The following NSD1 variants were observed in gnomAD, a reference collection of about 807,000 sequenced individuals.
NSD1 encodes the protein histone-lysine N-methyltransferase, H3 lysine-36 specific.
NSD1 carries 26 observed loss-of-function variants against 242.7 expected under a neutral mutation model. That is an observed-to-expected ratio of 0.11 (90% confidence interval 0.08 to 0.15). The LOEUF (loss-of-function observed/expected upper bound fraction) is 0.15. NSD1 is among the 10% of genes least tolerant of loss of function. The pLI is 1.00. For synonymous variants in NSD1, 1,106 were observed against 1,178.1 expected, an observed-to-expected ratio of 0.94 and a Z score of 1.25; for missense variants, 2,495 against 3,272.8, an observed-to-expected ratio of 0.76 and a Z score of 5.80.
intron 2 of NSD1, among the ~76,000 whole-genome samples, chr5:177,160,828 T>C (rs1758688149): frequency 6.6e-6 from 1 of 151,918 alleles, no homozygotes; most frequent in South Asian, 2.1e-4. Flanking sequence ...AGGAGCATGA[T>C]CTAGGATTAT....
intron 2 of NSD1, among the ~76,000 whole-genome samples, chr5:177,154,365 C>T (rs116610617): frequency 0.018 from 2,775 of 152,160 alleles, 33 homozygotes; most frequent in Non-Finnish European, 0.028. Context: ...CTACCATATC[C>T]AACCAAATAA....
chr5:177,175,092 C>T (rs911492125), intron 2 of NSD1, among the ~76,000 whole-genome samples: 2 of 151,166 alleles, frequency 1.3e-5, no homozygotes, highest in African/African-American at 2.4e-5. Context: ...AAGATGGTCT[C>T]GATCTCCTGA....
At position 177,210,019 on chromosome 5, in the gene NSD1, G is replaced by A. The variant is rs1181223763; in HGVS notation, c.1620G>A (p.Gly540=). 1 of 1,614,084 alleles carries A rather than the reference G, an allele frequency of 6.2e-7. No individual in the cohort carries two copies. Among genetic ancestry groups the A allele is most frequent in the Non-Finnish European group, 8.5e-7 (1 of 1,180,036 alleles). The part of the protein sequence containing the change: ...PENLGLNFIS[G]DISDTQASNE... ...ACCTTGGCCTAAACTTTATCTCTGG[G>A]GATATATCTGATACGCAGGCCTCTA... Residue 540 remains glycine, a synonymous_variant, in exon 5 of 23, where the codon GGG becomes GGA. Coordinates refer to ENST00000439151, the MANE Select transcript of NSD1 (RefSeq NM_022455.5).
intron 2 of NSD1, among the ~76,000 whole-genome samples, chr5:177,157,319 T>C (rs1024285690): frequency 6.6e-6 from 1 of 151,814 alleles, no homozygotes; most frequent in African/African-American, 2.4e-5. Context: ...TGAGCGGAGA[T>C]CGTGCTGTTG....
At position 177,297,002 on chromosome 5, in the gene NSD1, T is replaced by C; in HGVS notation, c.*1543T>C. ...AATAGGATTCTGTATTTGGTCCCAA[T>C]TTCCTCAAGTTCTTATTGAGGTTAC... On this transcript the variant is annotated 3_prime_UTR_variant, in exon 23 of 23. Coordinates refer to ENST00000439151, the MANE Select transcript of NSD1 (RefSeq NM_022455.5). The C allele has an allele frequency of 4.3e-6, 1 of 233,334 alleles. No individual in the cohort carries two copies. The highest frequency in any genetic ancestry group is 8.5e-6 in the Non-Finnish European group (1 of 118,066). The allele number at this position is 233,334 out of a possible 1,614,324, so 14.5% of individuals were successfully genotyped here.
chr5:177,212,461 T>TTC (rs753799201), intron 5 of NSD1, among the ~76,000 whole-genome samples: 12 of 145,818 alleles, frequency 8.2e-5, no homozygotes, highest in African/African-American at 2.6e-4. Flanking sequence ...CTTTCTCACT[T>TTC]TCTCTCTCTC....
chr5:177,300,072 C>T lies in NSD1; in HGVS notation c.*4613C>T. ...TTTTTGCCGCGCCCCCCCCCCCCCG[C>T]CCCCATAGATTGTCAGCTGTAAGTG... On this transcript the variant is annotated 3_prime_UTR_variant, in exon 23 of 23. Coordinates refer to ENST00000439151, the MANE Select transcript of NSD1 (RefSeq NM_022455.5). 5.2e-6 allele frequency: 1 copy of T among 190,946 alleles called. No individual in the cohort carries two copies. Among genetic ancestry groups the T allele is most frequent in the South Asian group, 2.5e-4 (1 of 4,044 alleles). 11.8% of individuals were successfully genotyped at this position (190,946 alleles called of 1,614,324 possible).
chr5:177,154,730 C>T (rs1757982488), intron 2 of NSD1, among the ~76,000 whole-genome samples: 1 of 152,166 alleles, frequency 6.6e-6, no homozygotes, highest in African/African-American at 2.4e-5. Context: ...GAGTCTCCCT[C>T]TGTCGCCCCA....
At position 177,191,018 on chromosome 5, in the gene NSD1, T is replaced by C. The variant is rs192484777; in HGVS notation, c.928-866T>C. ...TGAAGAGTCTCTCTGTCGCCGAGGC[T>C]AAAGTACGGTGGCTCTTGGCTCGCT... On this transcript the variant is annotated intron_variant, in intron 2 of 22. Coordinates refer to ENST00000439151, the MANE Select transcript of NSD1 (RefSeq NM_022455.5). Among the ~76,000 whole-genome samples, 442 of 131,080 alleles carry C rather than the reference T, an allele frequency of 3.4e-3. 1 individual carries two copies. The highest frequency in any genetic ancestry group is 5.9e-3 in the Non-Finnish European group (376 of 63,798). The allele number at this position is 131,080 out of a possible 152,430, so 86.0% of individuals were successfully genotyped here. A position where few individuals can be genotyped will look rare whatever the true frequency, so the allele number is the denominator to read the frequency against.
At chr5:177,235,764 A>AAAC (rs1765393775) in intron 5 of NSD1, 57 bp from the exon 6 acceptor site, 4 of 1,612,498 alleles carry the variant, frequency 2.5e-6, no homozygotes, top group Non-Finnish European at 3.4e-6. Context: ...TCTCATAAAA[A>AAAC]CAGTGGGTTT....
intron 3 of NSD1, among the ~76,000 whole-genome samples, chr5:177,196,962 T>A (rs1762145001): frequency 1.3e-5 from 2 of 152,186 alleles, no homozygotes; most frequent in South Asian, 4.1e-4. Context: ...TATTATAAAG[T>A]ATCATTTATA....
chr5:177,152,561 C>G (rs1757815498), intron 2 of NSD1, among the ~76,000 whole-genome samples: 1 of 147,188 alleles, frequency 6.8e-6, no homozygotes, highest in African/African-American at 2.5e-5. Context: ...TCACGCCATT[C>G]TCCTGCCTCA....
intron 5 of NSD1, among the ~76,000 whole-genome samples, chr5:177,229,264 A>G (rs1330137332): frequency 1.3e-5 from 2 of 152,146 alleles, no homozygotes; most frequent in Non-Finnish European, 1.5e-5. Flanking sequence ...GGCTATTGCT[A>G]TACTCATCCA....
intron 8 of NSD1, among the ~76,000 whole-genome samples, chr5:177,241,760 C>A (rs1765890281): frequency 1.3e-5 from 2 of 152,068 alleles, no homozygotes; most frequent in African/African-American, 4.8e-5. Context: ...TCTGACCTGG[C>A]CTACTTCATT....
At chr5:177,278,768 A>T (rs1017246046) in intron 17 of NSD1, among the ~76,000 whole-genome samples, 36 of 152,346 alleles carry the variant, frequency 2.4e-4, no homozygotes, top group African/African-American at 8.7e-4. Flanking sequence ...TGAACAGTCA[A>T]AATTTTTTGT....
chr5:177,147,263 G>C (rs1757329582), intron 2 of NSD1, among the ~76,000 whole-genome samples: 1 of 151,896 alleles, frequency 6.6e-6, no homozygotes, highest in Admixed American at 6.6e-5. Context: ...TTGCCACCAT[G>C]CCCCACTAAT....
chr5:177,276,810 A>C (rs542176680), intron 17 of NSD1, among the ~76,000 whole-genome samples: 1 of 152,290 alleles, frequency 6.6e-6, no homozygotes, highest in South Asian at 2.1e-4. Flanking sequence ...ATCCATACCA[A>C]GATTAGATTA....
intron 1 of NSD1, 85 bp from the exon 2 acceptor site, chr5:177,135,002 C>A: frequency 2.5e-6 from 3 of 1,192,608 alleles, no homozygotes; most frequent in South Asian, 1.2e-5. Flanking sequence ...ATAGAGGCCA[C>A]TAGGCCTTGA....
intron 3 of NSD1, among the ~76,000 whole-genome samples, chr5:177,196,308 G>C (rs1009812676): frequency 5.9e-5 from 9 of 152,208 alleles, no homozygotes; most frequent in African/African-American, 2.2e-4. Flanking sequence ...GCCATGCTCT[G>C]ATCTGTTCAT....
Sources: gnomAD v4.1 joint callset for allele counts (sites outside exome capture counted in the v4.1 genomes callset) on GRCh38, gnomAD v4.1.1 for gene constraint, MANE v1.5 for transcripts, NCBI Gene and HGNC (gene_info 2026-07-23, HGNC 2026-07-21) for gene names.